XYLT1: variants seen among roughly 807,000 people sequenced by gnomAD.
XYLT1 encodes beta-D-xylosyltransferase 1.
A neutral mutation model predicts 91.3 loss-of-function variants in XYLT1; 36 were observed. The observed-to-expected ratio is 0.39, with a 90% confidence interval of 0.30 to 0.52. XYLT1 has a LOEUF of 0.52. Among genes scored for constraint, XYLT1 ranks in the 20% least tolerant of loss-of-function variants. The pLI, the probability that XYLT1 is intolerant of heterozygous loss-of-function variation, is 0.68. For synonymous variants in XYLT1, 588 were observed against 532.0 expected (o/e 1.11, Z -1.45); for missense variants, 1,242 against 1,284.5 (o/e 0.97, Z 0.51).
At chr16:17,276,181 AC>A (rs2033970907) in intron 2 of XYLT1, among the ~76,000 whole-genome samples, 1 of 152,080 alleles carries the variant, frequency 6.6e-6, no homozygotes, top group African/African-American at 2.4e-5. Context: ...TGCTGCTGTC[AC>A]CCCCTAAATC....
chr16:17,408,394 G>A (rs961624647), intron 1 of XYLT1, among the ~76,000 whole-genome samples: 1 of 152,174 alleles, frequency 6.6e-6, no homozygotes, highest in African/African-American at 2.4e-5. Flanking sequence ...GCTTTCTCAT[G>A]GCTCAGACTC....
At chr16:17,394,565 C>T (rs76617022) in intron 1 of XYLT1, among the ~76,000 whole-genome samples, 9,997 of 152,288 alleles carry the variant, frequency 0.066, 480 homozygotes, top group African/African-American at 0.13. Flanking sequence ...AGCACCTGAG[C>T]TTCCATGTCA....
intron 8 of XYLT1, chr16:17,137,655 CCCCAGAACTGTAAATTGTTAGGCTG>C (rs2030790312): frequency 6.8e-6 from 1 of 147,984 alleles, no homozygotes; most frequent in East Asian, 1.9e-4. Context: ...CTCTGCCCTT[CCCCAGAACTGTAAATTGTTAGGCTG>C]CCCAGAGACA....
rs148314197 is a variant in XYLT1 at position 17,420,326 on chromosome 16, G to A, written c.363+50108C>T. On this transcript the variant is annotated intron_variant, in intron 1 of 11. Coordinates refer to ENST00000261381, the MANE Select transcript of XYLT1 (RefSeq NM_022166.4). Reference sequence around the variant, plus strand: ...AGTAATGGCTAATGTTAATTCTTAGGCAACAGAAACGTGCTACGCTAATTA... The same window carrying A: ...AGTAATGGCTAATGTTAATTCTTAGACAACAGAAACGTGCTACGCTAATTA... Among the ~76,000 whole-genome samples, 197 of 152,224 alleles carry A rather than the reference G, an allele frequency of 1.3e-3. 1 individual carries two copies. Among genetic ancestry groups the A allele is most frequent in the Non-Finnish European group, 2.0e-3 (133 of 68,010 alleles).
At chr16:17,429,261 A>G (rs2036358655) in intron 1 of XYLT1, among the ~76,000 whole-genome samples, 1 of 152,246 alleles carries the variant, frequency 6.6e-6, no homozygotes, top group South Asian at 2.1e-4. Flanking sequence ...TCAAGAAATC[A>G]TTAAAAATGG....
chr16:17,339,224 C>A (rs900842491), intron 2 of XYLT1, among the ~76,000 whole-genome samples: 2 of 152,168 alleles, frequency 1.3e-5, no homozygotes, highest in Admixed American at 1.3e-4. Context: ...GGTCTTCGAA[C>A]TTGTACATAC....
chr16:17,350,704 A>G (rs1050980228), intron 2 of XYLT1, among the ~76,000 whole-genome samples: 4 of 152,210 alleles, frequency 2.6e-5, no homozygotes, highest in Non-Finnish European at 5.9e-5. Flanking sequence ...GCTGGGCACC[A>G]TAAGAATTAA....
chr16:17,165,871 C>A (rs969655160), intron 5 of XYLT1, among the ~76,000 whole-genome samples: 1 of 152,200 alleles, frequency 6.6e-6, no homozygotes, highest in Non-Finnish European at 1.5e-5. Flanking sequence ...TGGAATTGTT[C>A]ACTCTAGGAT....
intron 3 of XYLT1, among the ~76,000 whole-genome samples, chr16:17,237,970 G>A (rs992160082): frequency 3.3e-5 from 5 of 152,216 alleles, no homozygotes; most frequent in Admixed American, 3.3e-4. Flanking sequence ...CATTTGTAGA[G>A]CATCTGGTAC....
intron 5 of XYLT1, among the ~76,000 whole-genome samples, chr16:17,184,065 C>A (rs1366722860): frequency 2.0e-5 from 3 of 152,078 alleles, no homozygotes; most frequent in East Asian, 1.9e-4. Context: ...ACAATAAAGA[C>A]CACCCACATT....
At chr16:17,366,706 A>G (rs1222414249) in intron 1 of XYLT1, among the ~76,000 whole-genome samples, 8 of 152,158 alleles carry the variant, frequency 5.3e-5, no homozygotes, top group African/African-American at 9.7e-5. Flanking sequence ...AAACAAACAA[A>G]CAAACAAACA....
At chr16:17,368,333 G>A (rs1391833699) in intron 1 of XYLT1, among the ~76,000 whole-genome samples, 1 of 152,162 alleles carries the variant, frequency 6.6e-6, no homozygotes, top group African/African-American at 2.4e-5. Context: ...TTCAGCAGGG[G>A]AGGGACTCTG....
At chr16:17,258,080 T>C (rs2033663421) in intron 3 of XYLT1, among the ~76,000 whole-genome samples, 1 of 150,944 alleles carries the variant, frequency 6.6e-6, no homozygotes, top group Non-Finnish European at 1.5e-5. Flanking sequence ...TGGTTTATCA[T>C]CAGGTCATCC....
chr16:17,145,074 T>A (rs182632491), intron 6 of XYLT1, among the ~76,000 whole-genome samples: 2 of 152,370 alleles, frequency 1.3e-5, no homozygotes, highest in East Asian at 3.9e-4. Context: ...CTTCTGCCTC[T>A]ATGGATTTAC....
intron 3 of XYLT1, among the ~76,000 whole-genome samples, chr16:17,219,707 T>C (rs2032931328): frequency 6.6e-6 from 1 of 152,144 alleles, no homozygotes; most frequent in South Asian, 2.1e-4. Context: ...AGTGGTGCGA[T>C]CTTGGCTCAC....
chr16:17,346,517 A>G (rs1463524265), intron 2 of XYLT1, among the ~76,000 whole-genome samples: 2 of 152,086 alleles, frequency 1.3e-5, no homozygotes, highest in Non-Finnish European at 2.9e-5. Flanking sequence ...AGTTTTTCAA[A>G]AATCTTCCAA....
chr16:17,432,942 G>C (rs1386096619), intron 1 of XYLT1, among the ~76,000 whole-genome samples: 1 of 152,088 alleles, frequency 6.6e-6, no homozygotes, highest in Non-Finnish European at 1.5e-5. Context: ...ATTCATCTGT[G>C]GTCAGAGCAT....
At chr16:17,381,347 T>C (rs929691162) in intron 1 of XYLT1, among the ~76,000 whole-genome samples, 2 of 150,056 alleles carry the variant, frequency 1.3e-5, no homozygotes, top group Non-Finnish European at 3.0e-5. Context: ...TACATTTCAA[T>C]AAAGCTGGAC....
intron 5 of XYLT1, among the ~76,000 whole-genome samples, chr16:17,189,512 A>G (rs983591114): frequency 2.0e-5 from 3 of 152,336 alleles, no homozygotes; most frequent in African/African-American, 7.2e-5. Context: ...CAGGGCATAC[A>G]GTGCAGATAC....
Sources: allele counts gnomAD v4.1 joint callset (sites outside exome capture counted in the v4.1 genomes callset), GRCh38; gene constraint gnomAD v4.1.1; transcripts MANE v1.5; gene names NCBI Gene and HGNC (gene_info 2026-07-23, HGNC 2026-07-21).